The following MED24 variants were observed in gnomAD, a reference collection of about 807,000 sequenced individuals.
MED24 encodes mediator complex subunit 24.
MED24 carries 74 observed loss-of-function variants against 118.8 expected under a neutral mutation model. The ratio of observed to expected loss-of-function variants is 0.62; its 90% CI spans 0.52 to 0.76. The LOEUF (loss-of-function observed/expected upper bound fraction) is 0.76, where lower values mean the gene tolerates loss of function less well. MED24 is among the 30% of genes least tolerant of loss of function. MED24 has a pLI of 0.00. For missense variants in MED24, 1,041 were observed against 1,278.9 expected (o/e 0.81, Z 2.84); for synonymous variants, 521 against 523.9 (o/e 0.99, Z 0.08).
intron 3 of MED24, among the ~76,000 whole-genome samples, chr17:40,045,567 T>C (rs1985075913): frequency 2.0e-5 from 3 of 152,082 alleles, no homozygotes; most frequent in African/African-American, 4.8e-5. Context: ...GGTGGGTAGA[T>C]TGAGCTCAAG....
chr17:40,022,262 C>A, intron 22 of MED24, 132 bp downstream of exon 22: 1 of 1,034,844 alleles, frequency 9.7e-7, no homozygotes, highest in Non-Finnish European at 1.4e-6. Flanking sequence ...AGATTCCTGA[C>A]CAATCATGCC....
chr17:40,019,192 A>ACACACC lies in MED24; in HGVS notation c.*336_*337insGGTGTG. The ACACACC allele has an allele frequency of 3.9e-6, 1 of 258,182 alleles. No homozygotes were observed. Among genetic ancestry groups the ACACACC allele is most frequent in the Non-Finnish European group, 7.4e-6 (1 of 134,412 alleles). The allele number at this position is 258,182 out of a possible 1,614,324, so 16.0% of individuals were successfully genotyped here. A position where few individuals can be genotyped will look rare whatever the true frequency, so the allele number is the denominator to read the frequency against. ...TACACACAAACACACACACACACAC[A>ACACACC]CACACACACACATACACACTTTGCA... On this transcript the variant is annotated 3_prime_UTR_variant, in exon 26 of 26. Coordinates refer to ENST00000394128, the MANE Select transcript of MED24 (RefSeq NM_014815.4).
intron 13 of MED24, 165 bp from the exon 14 acceptor site, chr17:40,029,133 TC>T: frequency 1.2e-6 from 1 of 858,126 alleles, no homozygotes; most frequent in Non-Finnish European, 1.8e-6. Context: ...CTCCGATCCA[TC>T]CCTCTCATCT....
At position 40,026,774 on chromosome 17, in the gene MED24, G is replaced by A. The variant is rs771625386; in HGVS notation, c.1710-28C>T. On this transcript the variant is annotated intron_variant, in intron 17 of 25. Coordinates refer to ENST00000394128, the MANE Select transcript of MED24 (RefSeq NM_014815.4). ...GCGGGTGTGCAGAGAAGTCAGCACA[G>A]GGGAGCAAGGAACGGGCTCAGGGAG... The A allele has an allele frequency of 5.0e-6, 8 of 1,610,926 alleles. No homozygotes were observed. In the Admixed American group the frequency reaches 8.4e-5, roughly 17 times the overall value.
chr17:40,054,302 C>T (rs535746912), intron 1 of MED24, 59 bp downstream of exon 1: 3 of 153,720 alleles, frequency 2.0e-5, no homozygotes, highest in African/African-American at 7.2e-5. Flanking sequence ...CTTCTCCAGC[C>T]CTGTAACTAT....
At chr17:40,020,623 C>CA (rs1981860986) in intron 23 of MED24, 1 of 497,744 alleles carries the variant, frequency 2.0e-6, no homozygotes. Flanking sequence ...CTCATCTCTA[C>CA]AAAAAATACA....
Position 40,033,159 on chromosome 17 carries a change from C to T in MED24, c.719G>A (p.Gly240Asp). 6.2e-7 allele frequency: 1 copy of T among 1,614,130 alleles called. No homozygotes were observed. Residue 240 changes from glycine to aspartate, a missense_variant, in exon 8 of 26, where the codon GGC (glycine) becomes GAC (aspartate). By Grantham distance (94) the Gly-to-Asp change is moderately conservative. Coordinates refer to ENST00000394128, the MANE Select transcript of MED24 (RefSeq NM_014815.4). This position sits in a 1 kb window ranked among gnomAD's most constrained non-coding sequence, Gnocchi z 5.2. ...SVHAEQMHKT[G>D]FPTVHAVILL... ...GATCACGGCGTGGACAGTGGGGAAGCCGGTCTTGTGCATCTGCTCCGCATG... is the reference window on the plus strand; with the variant it reads ...GATCACGGCGTGGACAGTGGGGAAGTCGGTCTTGTGCATCTGCTCCGCATG...
At position 40,026,874 on chromosome 17, in the gene MED24, G is replaced by C; in HGVS notation, c.1691C>G (p.Ser564Cys). The stretch of plus-strand genomic sequence containing the variant: ...CACTGACACTAGCTTCATCTCCGAG[G>C]AGTTGTTGAGCAGGGCCACCAGGGA... ...VESLVALLNN[S>C]SEMKLVQMKW... The change falls in exon 17 of 26, where the codon TCC (serine) becomes TGC (cysteine). Residue 564 changes from serine (S) to cysteine (C), a missense_variant. Physicochemically the swap from Ser to Cys is moderately radical, Grantham distance 112. Around this residue, in one of 3 missense-constraint regions of MED24, gnomAD observed 587 missense variants for 694.4 expected, o/e 0.85. Coordinates refer to ENST00000394128, the MANE Select transcript of MED24 (RefSeq NM_014815.4). 1 of 1,613,400 alleles carries C rather than the reference G, an allele frequency of 6.2e-7. No individual in the cohort carries two copies. The highest frequency in any genetic ancestry group is 8.5e-7 in the Non-Finnish European group (1 of 1,179,624).
intron 22 of MED24, 28 bp from the exon 23 acceptor site, chr17:40,022,082 C>T (rs762145843): frequency 1.3e-6 from 2 of 1,492,734 alleles, no homozygotes; most frequent in Non-Finnish European, 1.8e-6. Context: ...CACTGTTATA[C>T]ACCCCTAAAC....
At chr17:40,053,660 A>G (rs749425780) in intron 1 of MED24, 25 bp from the exon 2 acceptor site, 1 of 1,612,246 alleles carries the variant, frequency 6.2e-7, no homozygotes, top group South Asian at 1.1e-5. Flanking sequence ...AAATGGAGCT[A>G]AAGAAAAGGA....
chr17:40,036,053 C>T (rs1010779566), intron 4 of MED24, 63 bp downstream of exon 4: 42 of 1,527,494 alleles, frequency 2.7e-5, no homozygotes, highest in African/African-American at 4.1e-5. Context: ...GCATCAGGGC[C>T]GTCAAGGAGG....
chr17:40,051,284 C>G (rs916713361), intron 3 of MED24, among the ~76,000 whole-genome samples: 1 of 151,918 alleles, frequency 6.6e-6, no homozygotes, highest in Non-Finnish European at 1.5e-5. Flanking sequence ...GTACTCCACC[C>G]TGGGTGACAG....
intron 12 of MED24, among the ~76,000 whole-genome samples, chr17:40,030,689 C>A (rs907061552): frequency 1.3e-5 from 2 of 151,442 alleles, no homozygotes; most frequent in African/African-American, 4.9e-5. Context: ...GACAAGGTCT[C>A]ACTCTATCGC....
chr17:40,052,057 G>C (rs186498096), intron 3 of MED24, among the ~76,000 whole-genome samples: 132 of 152,184 alleles, frequency 8.7e-4, no homozygotes, highest in Middle Eastern at 3.4e-3. Context: ...CACTTTGGGA[G>C]GCCAAGGCGG....
chr17:40,048,232 C>A (rs1985456670), intron 3 of MED24, among the ~76,000 whole-genome samples: 2 of 152,160 alleles, frequency 1.3e-5, no homozygotes, highest in Non-Finnish European at 2.9e-5. Context: ...AAAGTGCCAG[C>A]CTAGCAGTTC....
intron 8 of MED24, 93 bp downstream of exon 8, chr17:40,032,963 C>T: frequency 6.5e-7 from 1 of 1,533,336 alleles, no homozygotes; most frequent in Non-Finnish European, 8.8e-7. Context: ...GGAGAAACCC[C>T]ACTTCTCCCA....
At chr17:40,051,589 A>G (rs1372832837) in intron 3 of MED24, among the ~76,000 whole-genome samples, 2 of 149,042 alleles carry the variant, frequency 1.3e-5, no homozygotes, top group Non-Finnish European at 3.0e-5. Context: ...ACTCTAGCCT[A>G]GTGACAGAGC....
intron 24 of MED24, 95 bp from the exon 25 acceptor site, chr17:40,020,028 A>G: frequency 6.9e-7 from 1 of 1,440,916 alleles, no homozygotes. Flanking sequence ...GGGAAAAGAA[A>G]CACATGCTGA....
intron 11 of MED24, 106 bp downstream of exon 11, chr17:40,031,432 G>A (rs1598346971): frequency 1.5e-6 from 2 of 1,314,142 alleles, no homozygotes; most frequent in East Asian, 2.3e-5. Flanking sequence ...CTGCCAAGGG[G>A]AGTGAACAAG....
Sources: gnomAD v4.1 joint callset for allele counts (sites outside exome capture counted in the v4.1 genomes callset) on GRCh38, gnomAD v4.1.1 for gene constraint, gnomAD v4.1.1 regional missense constraint, Gnocchi (gnomAD v3.1) non-coding constraint, MANE v1.5 for transcripts, NCBI Gene and HGNC (gene_info 2026-07-23, HGNC 2026-07-21) for gene names.